ABR: variants seen among roughly 807,000 people sequenced by gnomAD.
ABR encodes active breakpoint cluster region-related protein.
Under a neutral mutation model 107.2 loss-of-function variants are expected in ABR, and 35 were observed. The ratio of observed to expected loss-of-function variants is 0.33; its 90% CI spans 0.25 to 0.43. The LOEUF (loss-of-function observed/expected upper bound fraction) is 0.43. Among genes scored for constraint, ABR ranks in the 20% least tolerant of loss-of-function variants. The pLI is 1.00. For missense variants in ABR, 815 were observed against 1,115.2 expected, an observed-to-expected ratio of 0.73 and a Z score of 3.83; for synonymous variants, 498 against 462.0, an observed-to-expected ratio of 1.08 and a Z score of -1.00.
At chr17:1,031,616 G>T (rs1224195764) in intron 16 of ABR, 2 of 1,234,922 alleles carry the variant, frequency 1.6e-6, no homozygotes, top group Non-Finnish European at 2.0e-6. Context: ...GGAGCAGCTT[G>T]TTGCGCACGC....
At chr17:1,108,331 C>T (rs952624806) in intron 2 of ABR, among the ~76,000 whole-genome samples, 2 of 152,144 alleles carry the variant, frequency 1.3e-5, no homozygotes, top group Non-Finnish European at 2.9e-5. Flanking sequence ...TCCTACAGGA[C>T]GGGTCACTGC....
chr17:1,172,780 C>T (rs2151603008), intron 1 of ABR, among the ~76,000 whole-genome samples: 1 of 151,948 alleles, frequency 6.6e-6, no homozygotes, highest in Admixed American at 6.6e-5. Context: ...GCAAGCTACT[C>T]CCCACAGCAG....
chr17:1,229,646 C>G (rs1406966575), exon 1 of ABR, among the ~76,000 whole-genome samples: 3 of 152,000 alleles, frequency 2.0e-5, no homozygotes, highest in African/African-American at 7.2e-5. Context: ...GAGCTCCGTC[C>G]GCGCCGACCC....
rs575290748 is a variant in ABR, at chr17:1,005,511, G to A, written c.*569C>T. 6.7e-4 allele frequency: 145 copies of A among 218,036 alleles called. No individual in the cohort carries two copies. The highest frequency in any genetic ancestry group is 3.6e-3 in the South Asian group (20 of 5,566). The allele number at this position is 218,036 out of a possible 1,614,324, so 13.5% of individuals were successfully genotyped here. On this transcript the variant is annotated 3_prime_UTR_variant, in exon 23 of 23. Coordinates refer to ENST00000302538, the MANE Select transcript of ABR (RefSeq NM_021962.5). Reference sequence around the variant, plus strand: ...GCATCAAACAGACCACTGCTGCCGCGGCAACCCAGGGCCTCTTCAGAGCTT... The same window carrying A: ...GCATCAAACAGACCACTGCTGCCGCAGCAACCCAGGGCCTCTTCAGAGCTT...
rs1384204852 is a variant in ABR, at chr17:1,071,094, T to C, written c.895-1004A>G. ...AGGAGAATTGCTTGAACCCAGAGGGTGGAGGCTGCAGTGGAGCTGAGGTCA... is the reference window on the plus strand; with the variant it reads ...AGGAGAATTGCTTGAACCCAGAGGGCGGAGGCTGCAGTGGAGCTGAGGTCA... On this transcript the variant is annotated intron_variant, in intron 8 of 22. Coordinates refer to ENST00000302538, the MANE Select transcript of ABR (RefSeq NM_021962.5). This position sits in a 1 kb window ranked among gnomAD's most constrained non-coding sequence, Gnocchi z 5.1. 1.3e-5 allele frequency among the ~76,000 whole-genome samples: 2 copies of C among 151,986 alleles called. No individual in the cohort carries two copies. Among genetic ancestry groups the C allele is most frequent in the African/African-American group, 4.8e-5 (2 of 41,372 alleles).
intron 2 of ABR, among the ~76,000 whole-genome samples, chr17:1,110,674 G>A (rs1597850533): frequency 2.0e-5 from 3 of 152,130 alleles, no homozygotes; most frequent in East Asian, 3.9e-4. Flanking sequence ...CAATTCCATT[G>A]GCAGCAGAGA....
intron 16 of ABR, among the ~76,000 whole-genome samples, chr17:1,020,638 G>A (rs1239725046): frequency 1.3e-5 from 2 of 152,164 alleles, no homozygotes; most frequent in East Asian, 1.9e-4. Flanking sequence ...AGGTCGCCTC[G>A]CCTTTCTGGA....
chr17:1,080,782 T>A, intron 5 of ABR, among the ~76,000 whole-genome samples: 1 of 151,398 alleles, frequency 6.6e-6, no homozygotes, highest in African/African-American at 2.4e-5. Flanking sequence ...TGGGGGATAC[T>A]CAGCGTCCCC....
At chr17:1,056,944 A>G (rs1267898426) in intron 13 of ABR, 54 bp downstream of exon 13, 6 of 1,301,542 alleles carry the variant, frequency 4.6e-6, no homozygotes, top group Non-Finnish European at 6.7e-6. Flanking sequence ...GAAGCCGGCC[A>G]CGCTCTGAGG....
intron 21 of ABR, among the ~76,000 whole-genome samples, chr17:1,009,177 C>A (rs555909395): frequency 1.4e-4 from 9 of 64,698 alleles, no homozygotes; most frequent in South Asian, 1.2e-3. Context: ...TCCCCCACTG[C>A]TGTCCATCCC....
At chr17:1,195,174 G>A (rs561864773) in intron 1 of ABR, among the ~76,000 whole-genome samples, 1 of 148,142 alleles carries the variant, frequency 6.8e-6, no homozygotes, top group African/African-American at 2.4e-5. Flanking sequence ...GGGCGCAGTG[G>A]CGGGCGCCTG....
intron 3 of ABR, among the ~76,000 whole-genome samples, chr17:1,093,923 T>C (rs4968158): frequency 0.21 from 32,644 of 151,970 alleles, 3,789 homozygotes; most frequent in Admixed American, 0.28. Flanking sequence ...GATCCAACAA[T>C]CCATGCAGGA....
chr17:1,147,116 A>G (rs917217138), intron 1 of ABR, among the ~76,000 whole-genome samples: 1 of 152,254 alleles, frequency 6.6e-6, no homozygotes, highest in African/African-American at 2.4e-5. Flanking sequence ...ACAAACTGTA[A>G]GTGGACATGA....
At chr17:1,145,357 A>G (rs2040482902) in intron 1 of ABR, among the ~76,000 whole-genome samples, 1 of 152,186 alleles carries the variant, frequency 6.6e-6, no homozygotes, top group African/African-American at 2.4e-5. Context: ...GCTTCAGCCT[A>G]CTTCCTGCTT....
At chr17:1,079,490 G>A (rs1002149358) in intron 5 of ABR, 100 bp from the exon 6 acceptor site, 101 of 1,137,342 alleles carry the variant, frequency 8.9e-5, no homozygotes, top group Non-Finnish European at 1.3e-4. Flanking sequence ...AACTCAGGGT[G>A]TACATATGAG....
intron 9 of ABR, among the ~76,000 whole-genome samples, chr17:1,068,728 G>A (rs185673841): frequency 2.7e-4 from 41 of 152,254 alleles, no homozygotes; most frequent in African/African-American, 7.5e-4. Flanking sequence ...CCACCCTCCC[G>A]GGTAGAGAGA....
At chr17:1,216,330 G>A (rs767873197) in intron 1 of ABR, among the ~76,000 whole-genome samples, 15 of 152,178 alleles carry the variant, frequency 9.9e-5, no homozygotes, top group Non-Finnish European at 1.6e-4. Context: ...GGCCCACAGG[G>A]GCTGTGTCAT....
chr17:1,123,231 C>G (rs569991180), intron 2 of ABR, among the ~76,000 whole-genome samples: 64 of 152,294 alleles, frequency 4.2e-4, no homozygotes, highest in African/African-American at 1.4e-3. Flanking sequence ...CGGACGATCC[C>G]CAGGCTGGAC....
chr17:1,209,055 C>T (rs1322175157), intron 1 of ABR, among the ~76,000 whole-genome samples: 1 of 152,136 alleles, frequency 6.6e-6, no homozygotes, highest in African/African-American at 2.4e-5. Context: ...AACTCTTTCC[C>T]TTGGTTCACT....
Sources: gnomAD v4.1 joint callset for allele counts (sites outside exome capture counted in the v4.1 genomes callset) on GRCh38, gnomAD v4.1.1 for gene constraint, Gnocchi (gnomAD v3.1) non-coding constraint, MANE v1.5 for transcripts, NCBI Gene and HGNC (gene_info 2026-07-23, HGNC 2026-07-21) for gene names.